SGCZ: variants seen among roughly 807,000 people sequenced by gnomAD.
SGCZ encodes sarcoglycan zeta, also known as zeta-sarcoglycan.
SGCZ carries 40 observed loss-of-function variants against 41.3 expected under a neutral mutation model. The observed-to-expected ratio is 0.97, with a 90% CI of 0.75 to 1.26. The LOEUF (loss-of-function observed/expected upper bound fraction) is 1.26. Ranked by LOEUF, SGCZ falls within the 50% of genes most tolerant of loss-of-function variation. The pLI is 0.00. For synonymous variants in SGCZ, 206 were observed against 137.5 expected (o/e 1.50, Z -3.49); for missense variants, 552 against 369.8 (o/e 1.49, Z -4.04).
intron 1 of SGCZ, among the ~76,000 whole-genome samples, chr8:15,090,695 G>A (rs538172817): frequency 1.3e-5 from 2 of 152,150 alleles, no homozygotes; most frequent in Non-Finnish European, 2.9e-5. Flanking sequence ...AAAGCCAAGC[G>A]TTGATAGGAA....
intron 2 of SGCZ, among the ~76,000 whole-genome samples, chr8:14,456,881 G>A (rs1800760940): frequency 6.6e-6 from 1 of 152,050 alleles, no homozygotes; most frequent in Non-Finnish European, 1.5e-5. Flanking sequence ...AAAGTGCGTG[G>A]TACCTCCCCT....
intron 1 of SGCZ, among the ~76,000 whole-genome samples, chr8:14,916,403 A>G (rs766411213): frequency 9.9e-5 from 15 of 152,180 alleles, no homozygotes; most frequent in Non-Finnish European, 2.2e-4. Flanking sequence ...CATAGATAGC[A>G]TGGAAGAAAG....
intron 4 of SGCZ, among the ~76,000 whole-genome samples, chr8:14,179,461 G>C (rs78746444): frequency 9.9e-5 from 15 of 152,166 alleles, no homozygotes; most frequent in African/African-American, 3.6e-4. Context: ...TACCACAAGG[G>C]TTCCTGCACA....
intron 1 of SGCZ, among the ~76,000 whole-genome samples, chr8:14,973,490 C>T (rs1416865977): frequency 6.6e-6 from 1 of 152,106 alleles, no homozygotes; most frequent in African/African-American, 2.4e-5. Context: ...TTGAATAAAG[C>T]CTCCCTTGTC....
rs190035013 is a variant in SGCZ, at chr8:14,537,723, T to C, written c.234+17009A>G. Among the ~76,000 whole-genome samples, 41 of 152,044 alleles carry C rather than the reference T, an allele frequency of 2.7e-4. No homozygotes were observed. The South Asian group carries it at 8.3e-3, about 31-fold the overall frequency. ...AGCTTTATCATGCTCAACTGTGTCA[T>C]TGAATGTTCCCCCCTCATGTAAGGT... is the stretch of plus-strand genomic sequence containing the variant. On this transcript the variant is annotated intron_variant, in intron 2 of 7. Transcript: ENST00000382080.
At chr8:14,755,839 A>C (rs962332818) in intron 1 of SGCZ, among the ~76,000 whole-genome samples, 1 of 152,190 alleles carries the variant, frequency 6.6e-6, no homozygotes, top group Admixed American at 6.5e-5. Flanking sequence ...TGCCATATAC[A>C]GGACATAGAT....
chr8:15,123,937 G>C (rs374837239), intron 1 of SGCZ, among the ~76,000 whole-genome samples: 3 of 151,882 alleles, frequency 2.0e-5, no homozygotes, highest in Non-Finnish European at 4.4e-5. Flanking sequence ...ACAAAAGAGG[G>C]AAGGGTGGGT....
chr8:14,896,754 G>C (rs999542854), intron 1 of SGCZ, among the ~76,000 whole-genome samples: 1 of 151,944 alleles, frequency 6.6e-6, no homozygotes, highest in Admixed American at 6.6e-5. Flanking sequence ...TGGGATTACA[G>C]GCGTGGGCCA....
At chr8:14,578,447 G>T (rs1804784888) in intron 1 of SGCZ, among the ~76,000 whole-genome samples, 1 of 152,172 alleles carries the variant, frequency 6.6e-6, no homozygotes, top group Admixed American at 6.5e-5. Flanking sequence ...TGGCTGCAAT[G>T]TAGGCTCACA....
chr8:14,484,395 C>T (rs966275671), intron 2 of SGCZ, among the ~76,000 whole-genome samples: 2 of 152,104 alleles, frequency 1.3e-5, no homozygotes, highest in Non-Finnish European at 2.9e-5. Flanking sequence ...TTTTAAATAA[C>T]TTTTAAATAT....
At chr8:14,641,813 T>C (rs998446686) in intron 1 of SGCZ, among the ~76,000 whole-genome samples, 2 of 151,738 alleles carry the variant, frequency 1.3e-5, no homozygotes, top group African/African-American at 2.4e-5. Flanking sequence ...TTATAATCCT[T>C]GCAATTATGG....
intron 1 of SGCZ, among the ~76,000 whole-genome samples, chr8:14,996,573 A>T (rs1352380791): frequency 6.6e-6 from 1 of 152,084 alleles, no homozygotes; most frequent in Non-Finnish European, 1.5e-5. Context: ...GGCTCTGATG[A>T]TGATTCTAAT....
At chr8:14,117,408 C>CTG (rs57595662) in intron 5 of SGCZ, among the ~76,000 whole-genome samples, 27,430 of 131,082 alleles carry the variant, frequency 0.21, 3,169 homozygotes, top group East Asian at 0.33. Flanking sequence ...ATGCACACAT[C>CTG]TGTGTGTGTG....
chr8:14,816,878 T>G (rs1363641197), intron 1 of SGCZ, among the ~76,000 whole-genome samples: 1 of 152,210 alleles, frequency 6.6e-6, no homozygotes, highest in Non-Finnish European at 1.5e-5. Context: ...ATATGTTATA[T>G]TTTCCATGTC....
At chr8:14,124,565 T>A (rs1445384357) in intron 5 of SGCZ, among the ~76,000 whole-genome samples, 1 of 152,190 alleles carries the variant, frequency 6.6e-6, no homozygotes, top group Non-Finnish European at 1.5e-5. Context: ...TATATTACTG[T>A]TTTACCAAAT....
At chr8:14,317,138 G>T (rs894632295) in intron 3 of SGCZ, among the ~76,000 whole-genome samples, 5 of 151,992 alleles carry the variant, frequency 3.3e-5, no homozygotes, top group African/African-American at 4.8e-5. Context: ...ACATAGTAAG[G>T]ATTAAATGAG....
intron 1 of SGCZ, among the ~76,000 whole-genome samples, chr8:14,880,641 A>T (rs1349069812): frequency 6.6e-6 from 1 of 152,184 alleles, no homozygotes; most frequent in African/African-American, 2.4e-5. Context: ...CGATGAGTTC[A>T]TGTCGATTGT....
chr8:14,352,692 C>A (rs1256590363), intron 2 of SGCZ, among the ~76,000 whole-genome samples: 1 of 152,084 alleles, frequency 6.6e-6, no homozygotes, highest in African/African-American at 2.4e-5. Flanking sequence ...TAGAAACTTT[C>A]TTTTCTCAAC....
chr8:14,482,004 A>G (rs964701336), intron 2 of SGCZ, among the ~76,000 whole-genome samples: 1 of 152,184 alleles, frequency 6.6e-6, no homozygotes, highest in Non-Finnish European at 1.5e-5. Context: ...GAACCCAGAC[A>G]GAGCTTGGAG....
Sources: allele counts gnomAD v4.1 joint callset (sites outside exome capture counted in the v4.1 genomes callset), GRCh38; gene constraint gnomAD v4.1.1; transcripts MANE v1.5; gene names NCBI Gene and HGNC (gene_info 2026-07-23, HGNC 2026-07-21).